The following HECW2 variants were observed in gnomAD, a reference collection of about 807,000 sequenced individuals.
HECW2 encodes the protein E3 ubiquitin-protein ligase HECW2.
Under a neutral mutation model 175.2 loss-of-function variants are expected in HECW2, and 61 were observed. The observed-to-expected ratio is 0.35, with a 90% CI of 0.28 to 0.43. The LOEUF (loss-of-function observed/expected upper bound fraction) is 0.43, where lower values mean the gene tolerates loss of function less well. Ranked by LOEUF, HECW2 falls within the 20% of genes least tolerant of loss-of-function variation. The probability of loss-of-function intolerance (pLI) is 1.00; values close to 1 mark genes in which losing one functional copy is unlikely to be tolerated. For synonymous variants in HECW2, 671 were observed against 731.0 expected (o/e 0.92, Z 1.32); for missense variants, 1,524 against 2,000.5 (o/e 0.76, Z 4.54).
At chr2:196,232,399 A>C (rs557473632) in intron 21 of HECW2, among the ~76,000 whole-genome samples, 17 of 152,306 alleles carry the variant, frequency 1.1e-4, no homozygotes, top group Middle Eastern at 6.8e-3. Flanking sequence ...GGCAGGGACC[A>C]TGTTTTACTC....
intron 1 of HECW2, among the ~76,000 whole-genome samples, chr2:196,547,297 G>C (rs1236229402): frequency 6.6e-6 from 1 of 152,186 alleles, no homozygotes; most frequent in African/African-American, 2.4e-5. Flanking sequence ...AGGACCCTAG[G>C]AGGGATACTG....
At position 196,317,275 on chromosome 2, in the gene HECW2, T is replaced by C. The variant is rs868793882; in HGVS notation, c.2433A>G (p.Pro811=). The C allele has an allele frequency of 6.2e-7, 1 of 1,610,386 alleles. No individual in the cohort carries two copies. The highest frequency in any genetic ancestry group is 1.3e-5 in the African/African-American group (1 of 74,992). Residue 811 remains proline, a splice_region_variant and synonymous_variant, in exon 10 of 29, where the codon CCA becomes CCG. Transcript: ENST00000644978. ...RYQRVDEALP[P]NWEARIDSHG... ...CCCTTTTAACTAACAGGTCCTCACT[T>C]GGTGGGAGAGCCTCGTCCACCCTCT...
chr2:196,213,059 C>G (rs552587075), intron 28 of HECW2, among the ~76,000 whole-genome samples: 3 of 152,188 alleles, frequency 2.0e-5, no homozygotes, highest in Non-Finnish European at 4.4e-5. Context: ...ATAAAAGAAT[C>G]TCTTTAGGCC....
At chr2:196,371,456 A>T (rs1693907743) in intron 2 of HECW2, among the ~76,000 whole-genome samples, 1 of 152,220 alleles carries the variant, frequency 6.6e-6, no homozygotes, top group Non-Finnish European at 1.5e-5. Context: ...AAAGTTTTAG[A>T]TTCTATTTAA....
intron 1 of HECW2, among the ~76,000 whole-genome samples, chr2:196,575,907 G>T (rs1006089892): frequency 3.3e-5 from 5 of 151,100 alleles, no homozygotes; most frequent in African/African-American, 7.3e-5. Context: ...ATCACCAACG[G>T]GAGGGCACCA....
intron 18 of HECW2, among the ~76,000 whole-genome samples, chr2:196,255,888 C>T (rs1689036515): frequency 6.6e-6 from 1 of 152,130 alleles, no homozygotes; most frequent in South Asian, 2.1e-4. Flanking sequence ...GCCTGGGCAA[C>T]ACGGTGAAAC....
At chr2:196,524,085 G>A (rs1163965738) in intron 1 of HECW2, among the ~76,000 whole-genome samples, 2 of 139,888 alleles carry the variant, frequency 1.4e-5, no homozygotes, top group Non-Finnish European at 1.5e-5. Flanking sequence ...GGTAGAATTC[G>A]GCTGTGAATC....
chr2:196,576,809 C>T (rs1690577495), intron 1 of HECW2, among the ~76,000 whole-genome samples: 2 of 152,174 alleles, frequency 1.3e-5, no homozygotes, highest in South Asian at 2.1e-4. Flanking sequence ...CCAAATTATA[C>T]ACATTATAAA....
intron 27 of HECW2, 40 bp downstream of exon 27, chr2:196,216,968 C>A: frequency 1.6e-6 from 2 of 1,280,852 alleles, no homozygotes; most frequent in East Asian, 2.7e-5. Flanking sequence ...CAACAATAAT[C>A]ATATTGATAC....
At chr2:196,355,030 G>C (rs909727388) in intron 2 of HECW2, among the ~76,000 whole-genome samples, 2 of 152,150 alleles carry the variant, frequency 1.3e-5, no homozygotes, top group African/African-American at 4.8e-5. Context: ...CAAATTCTTT[G>C]ATAATGCTCA....
chr2:196,410,924 G>A (rs1332931217), intron 2 of HECW2, among the ~76,000 whole-genome samples: 2 of 152,086 alleles, frequency 1.3e-5, no homozygotes, highest in African/African-American at 4.8e-5. Flanking sequence ...ACAGCCCACC[G>A]AGAAGATACA....
intron 1 of HECW2, among the ~76,000 whole-genome samples, chr2:196,464,771 G>T (rs920979203): frequency 6.6e-6 from 1 of 152,230 alleles, no homozygotes; most frequent in African/African-American, 2.4e-5. Context: ...GCCAGGCACG[G>T]TGGCTCACGC....
chr2:196,425,317 A>C (rs1695513062), intron 2 of HECW2, among the ~76,000 whole-genome samples: 1 of 152,054 alleles, frequency 6.6e-6, no homozygotes, highest in South Asian at 2.1e-4. Context: ...CTAACACAAC[A>C]CTCATTCTGT....
chr2:196,310,697 T>C (rs1691460963), intron 10 of HECW2, among the ~76,000 whole-genome samples: 1 of 152,124 alleles, frequency 6.6e-6, no homozygotes, highest in Admixed American at 6.6e-5. Flanking sequence ...ACTTAACATT[T>C]ACTTCCTTGT....
chr2:196,558,955 C>G (rs1689900993), intron 1 of HECW2, among the ~76,000 whole-genome samples: 2 of 152,200 alleles, frequency 1.3e-5, no homozygotes, highest in Non-Finnish European at 2.9e-5. Flanking sequence ...GGCACCTACT[C>G]TATGCCAGGC....
At position 196,397,572 on chromosome 2, in the gene HECW2, T is replaced by A. The variant is rs576158654; in HGVS notation, c.292+35560A>T. Among the ~76,000 whole-genome samples, 3 of 152,366 alleles carry A rather than the reference T, an allele frequency of 2.0e-5. No individual in the cohort carries two copies. In the South Asian group the frequency reaches 6.2e-4, roughly 32 times the overall value. ...TTAAAAAATGTATTCTATTTATGCT[T>A]AACAGCTTCGCTGGCTCTCTATACA... On this transcript the variant is annotated intron_variant, in intron 2 of 28. Coordinates refer to ENST00000644978, the MANE Select transcript of HECW2 (RefSeq NM_001348768.2).
At chr2:196,320,237 G>C in intron 8 of HECW2, 102 bp downstream of exon 8, 1 of 735,754 alleles carries the variant, frequency 1.4e-6, no homozygotes, top group South Asian at 2.0e-5. Context: ...TTTCAAAACA[G>C]AACATGAATT....
chr2:196,468,668 G>C (rs150579473), intron 1 of HECW2, among the ~76,000 whole-genome samples: 102 of 152,148 alleles, frequency 6.7e-4, no homozygotes, highest in African/African-American at 2.4e-3. Flanking sequence ...TTCCCTGCTT[G>C]TTAATATTTC....
At chr2:196,369,775 A>C (rs567073329) in intron 2 of HECW2, among the ~76,000 whole-genome samples, 1 of 152,000 alleles carries the variant, frequency 6.6e-6, no homozygotes, top group South Asian at 2.1e-4. Flanking sequence ...CTTTCCACAA[A>C]CAGAGGCATT....
Sources: allele counts gnomAD v4.1 joint callset (sites outside exome capture counted in the v4.1 genomes callset), GRCh38; gene constraint gnomAD v4.1.1; transcripts MANE v1.5; gene names NCBI Gene and HGNC (gene_info 2026-07-23, HGNC 2026-07-21).